Variants in NCALD observed in about 807,000 individuals in gnomAD.
NCALD encodes neurocalcin delta.
NCALD carries 10 observed loss-of-function variants against 18.6 expected under a neutral mutation model. The observed-to-expected ratio is 0.54, with a 90% CI of 0.33 to 0.91. NCALD has a LOEUF of 0.91. Ranked by LOEUF, NCALD falls within the 40% of genes least tolerant of loss-of-function variation. The pLI is 0.03. For synonymous variants in NCALD, 88 were observed against 87.4 expected (o/e 1.01, Z -0.04); for missense variants, 184 against 247.6 (o/e 0.74, Z 1.72).
chr8:102,063,252 C>T (rs1395349603), intron 1 of NCALD, among the ~76,000 whole-genome samples: 1 of 152,174 alleles, frequency 6.6e-6, no homozygotes, highest in East Asian at 1.9e-4. Context: ...CCTGAGCTGC[C>T]ACGTGCTACA....
chr8:101,865,497 A>G (rs1480628729), intron 4 of NCALD, among the ~76,000 whole-genome samples: 5 of 152,216 alleles, frequency 3.3e-5, no homozygotes, highest in African/African-American at 1.2e-4. Context: ...TGGGGTGTCA[A>G]CTGCCTGCAG....
intron 2 of NCALD, among the ~76,000 whole-genome samples, chr8:101,935,618 G>A (rs1023479704): frequency 1.3e-5 from 2 of 151,998 alleles, no homozygotes; most frequent in African/African-American, 2.4e-5. Flanking sequence ...AAGGTCACTG[G>A]GGGCCTTGAC....
At chr8:101,989,022 A>C (rs1820943542) in intron 2 of NCALD, among the ~76,000 whole-genome samples, 1 of 151,958 alleles carries the variant, frequency 6.6e-6, no homozygotes, top group Admixed American at 6.6e-5. Flanking sequence ...AGAGGACTGG[A>C]GTTTTAAGAA....
chr8:101,726,227 G>A (rs1381972076), intron 1 of NCALD, among the ~76,000 whole-genome samples: 1 of 152,198 alleles, frequency 6.6e-6, no homozygotes, highest in East Asian at 1.9e-4. Flanking sequence ...TCTGACTGAA[G>A]CTGAGCCAGT....
intron 2 of NCALD, among the ~76,000 whole-genome samples, chr8:101,716,791 A>G (rs1471308460): frequency 6.6e-6 from 1 of 152,248 alleles, no homozygotes; most frequent in Non-Finnish European, 1.5e-5. Context: ...ACATGGTCCC[A>G]GTGTAATCAC....
intron 2 of NCALD, among the ~76,000 whole-genome samples, chr8:101,698,888 A>G (rs189780268): frequency 6.6e-6 from 1 of 152,300 alleles, no homozygotes; most frequent in Non-Finnish European, 1.5e-5. Context: ...TTTATGATGA[A>G]AACGCCAAAA....
chr8:101,761,214 A>G (rs1811095399), intron 1 of NCALD, among the ~76,000 whole-genome samples: 1 of 152,150 alleles, frequency 6.6e-6, no homozygotes, highest in African/African-American at 2.4e-5. Context: ...ATGAAAACAC[A>G]CTTAGCTCTG....
At chr8:102,087,057 A>G (rs1455253374) in intron 1 of NCALD, among the ~76,000 whole-genome samples, 1 of 152,198 alleles carries the variant, frequency 6.6e-6, no homozygotes, top group Non-Finnish European at 1.5e-5. Context: ...AACCATAAAA[A>G]TGGGCAACCA....
At chr8:102,068,230 C>G (rs991539702) in intron 1 of NCALD, among the ~76,000 whole-genome samples, 4 of 152,174 alleles carry the variant, frequency 2.6e-5, no homozygotes, top group Non-Finnish European at 5.9e-5. Flanking sequence ...TCAGGGAGAT[C>G]TCGCGCTCCC....
chr8:102,033,246 A>G (rs942886281), intron 1 of NCALD, among the ~76,000 whole-genome samples: 1 of 152,168 alleles, frequency 6.6e-6, no homozygotes, highest in African/African-American at 2.4e-5. Context: ...ATCCAGAAGC[A>G]GCTAACCTGG....
At chr8:101,837,118 T>C (rs1360062376) in intron 4 of NCALD, among the ~76,000 whole-genome samples, 1 of 152,188 alleles carries the variant, frequency 6.6e-6, no homozygotes, top group Non-Finnish European at 1.5e-5. Context: ...GAACTCTCCA[T>C]TGCCAATCAC....
chr8:101,711,119 C>A (rs553676693), intron 2 of NCALD, among the ~76,000 whole-genome samples: 3 of 152,258 alleles, frequency 2.0e-5, no homozygotes, highest in African/African-American at 4.8e-5. Flanking sequence ...GATACCCAGG[C>A]AAACAGGATC....
chr8:102,060,251 G>T lies in NCALD; in HGVS notation c.-209-39962C>A, dbSNP rs866001449. Among the ~76,000 whole-genome samples, 70 of 152,154 alleles carry T rather than the reference G, an allele frequency of 4.6e-4. 2 individuals carry two copies. Among genetic ancestry groups the T allele is most frequent in the Non-Finnish European group, 1.5e-4 (10 of 68,042 alleles). On this transcript the variant is annotated intron_variant, in intron 1 of 6. Coordinates refer to the NCALD transcript ENST00000311028. ...CCGCCTTGGCCTCCCAAAATGCTGGGATTACAGGCATGAGCCACTGCGCCC... is the reference window on the plus strand; with the variant it reads ...CCGCCTTGGCCTCCCAAAATGCTGGTATTACAGGCATGAGCCACTGCGCCC...
At chr8:101,871,757 T>G in intron 4 of NCALD, 1 of 243,774 alleles carries the variant, frequency 4.1e-6, no homozygotes, top group Non-Finnish European at 7.8e-6. Context: ...GATTCATTCT[T>G]GCTTTTCCTT....
At chr8:101,876,746 C>T (rs1816243895) in intron 4 of NCALD, among the ~76,000 whole-genome samples, 1 of 152,226 alleles carries the variant, frequency 6.6e-6, no homozygotes, top group African/African-American at 2.4e-5. Flanking sequence ...ATTGCTGCTG[C>T]TGCTCAAATA....
At chr8:102,001,319 T>A (rs1203868735) in intron 2 of NCALD, among the ~76,000 whole-genome samples, 1 of 151,854 alleles carries the variant, frequency 6.6e-6, no homozygotes, top group Non-Finnish European at 1.5e-5. Context: ...GAAGAGAAGT[T>A]TAGAGAAAAA....
chr8:101,967,823 A>G (rs1820086863), intron 2 of NCALD, among the ~76,000 whole-genome samples: 1 of 150,518 alleles, frequency 6.6e-6, no homozygotes. Flanking sequence ...CAGCTTGTTG[A>G]CACAGCTCTT....
At chr8:102,094,550 T>G (rs1372255596) in intron 1 of NCALD, among the ~76,000 whole-genome samples, 4 of 152,212 alleles carry the variant, frequency 2.6e-5, no homozygotes, top group African/African-American at 7.2e-5. Flanking sequence ...GTATCTTGAG[T>G]GTGTGGTTGA....
intron 1 of NCALD, among the ~76,000 whole-genome samples, chr8:102,058,118 T>C (rs1426598570): frequency 6.6e-6 from 1 of 152,194 alleles, no homozygotes; most frequent in Non-Finnish European, 1.5e-5. Flanking sequence ...CATCTTTAAC[T>C]GGGAAAGCAG....
Sources: allele counts gnomAD v4.1 joint callset (sites outside exome capture counted in the v4.1 genomes callset), GRCh38; gene constraint gnomAD v4.1.1; transcripts MANE v1.5; gene names NCBI Gene and HGNC (gene_info 2026-07-23, HGNC 2026-07-21).